Variants in NEK10 observed in about 807,000 individuals in gnomAD.
The protein encoded by NEK10 is NIMA related kinase 10.
Under a neutral mutation model 159.8 loss-of-function variants are expected in NEK10, and 122 were observed. The observed-to-expected ratio is 0.76, with a 90% confidence interval of 0.66 to 0.89. The LOEUF (loss-of-function observed/expected upper bound fraction) is 0.89. NEK10 is among the 40% of genes least tolerant of loss of function. The pLI, the probability that NEK10 is intolerant of heterozygous loss-of-function variation, is 0.00. For synonymous variants in NEK10, 466 were observed against 457.1 expected, an observed-to-expected ratio of 1.02 and a Z score of -0.25; for missense variants, 1,342 against 1,323.1, an observed-to-expected ratio of 1.01 and a Z score of -0.22.
At chr3:27,293,792 T>C (rs1378900778) in intron 15 of NEK10, 140 bp from the exon 16 acceptor site, 11 of 552,774 alleles carry the variant, frequency 2.0e-5, no homozygotes, top group African/African-American at 3.8e-5. Flanking sequence ...AGCTTCTAAC[T>C]GAAAACAAAA....
At chr3:27,316,232 A>G (rs1575714249) in intron 6 of NEK10, among the ~76,000 whole-genome samples, 1 of 152,182 alleles carries the variant, frequency 6.6e-6, no homozygotes, top group African/African-American at 2.4e-5. Context: ...GGAGATGGGG[A>G]GCGTATCAAC....
chr3:27,226,144 G>A (rs1952615914), intron 23 of NEK10, among the ~76,000 whole-genome samples: 1 of 151,346 alleles, frequency 6.6e-6, no homozygotes, highest in Non-Finnish European at 1.5e-5. Flanking sequence ...TCATTCTCCT[G>A]CCTCAGCCTC....
chr3:27,269,814 T>C (rs542770999), intron 22 of NEK10, among the ~76,000 whole-genome samples: 5 of 152,326 alleles, frequency 3.3e-5, no homozygotes, highest in African/African-American at 1.2e-4. Flanking sequence ...TAAAAATCAT[T>C]TTAATACATG....
chr3:27,204,275 C>CTTTTTTTTTTTTTTTTTTTTTTTTTT (rs1203026508), intron 23 of NEK10, among the ~76,000 whole-genome samples: 11 of 63,984 alleles, frequency 1.7e-4, no homozygotes, highest in Middle Eastern at 0.014. Flanking sequence ...GATAAATTTT[C>CTTTTTTTTTTTTTTTTTTTTTTTTTT]TTTTTTTTTT....
intron 30 of NEK10, among the ~76,000 whole-genome samples, chr3:27,145,758 G>A (rs578062718): frequency 2.6e-5 from 4 of 151,436 alleles, no homozygotes; most frequent in South Asian, 2.1e-4. Context: ...CAGATGAGGA[G>A]ACTGAGTGCT....
chr3:27,134,268 A>G (rs974721928), intron 31 of NEK10, among the ~76,000 whole-genome samples: 1 of 152,192 alleles, frequency 6.6e-6, no homozygotes, highest in Admixed American at 6.5e-5. Flanking sequence ...GGAAGATGGG[A>G]TGGAGTAATG....
At chr3:27,195,478 C>T (rs189928498) in intron 25 of NEK10, among the ~76,000 whole-genome samples, 1 of 152,060 alleles carries the variant, frequency 6.6e-6, no homozygotes, top group Admixed American at 6.5e-5. Context: ...GAATGTAAAC[C>T]CAGACAATGA....
chr3:27,225,760 A>G (rs549364383), intron 23 of NEK10, among the ~76,000 whole-genome samples: 5 of 152,286 alleles, frequency 3.3e-5, no homozygotes, highest in Admixed American at 3.3e-4. Context: ...TAGCCAATAC[A>G]TACTTTCTCC....
intron 5 of NEK10, among the ~76,000 whole-genome samples, chr3:27,339,317 T>C (rs2047034415): frequency 6.6e-6 from 1 of 152,076 alleles, no homozygotes; most frequent in Non-Finnish European, 1.5e-5. Context: ...AGGTCTAATA[T>C]CCAGAATCTA....
rs550439179 is a variant in NEK10 at position 27,237,373 on chromosome 3, A to T, written c.2090+18923T>A. Among the ~76,000 whole-genome samples, 11 of 152,322 alleles carry T rather than the reference A, an allele frequency of 7.2e-5. No homozygotes were observed. The East Asian group carries it at 1.4e-3, about 19-fold the overall frequency. ...AGGCATAAGAAATTATAAGAGTATTATTTGGGAACTGATAAATGTCCATGA... is the reference window on the plus strand; with the variant it reads ...AGGCATAAGAAATTATAAGAGTATTTTTTGGGAACTGATAAATGTCCATGA... On this transcript the variant is annotated intron_variant, in intron 23 of 35. Coordinates refer to ENST00000691995, the MANE Select transcript of NEK10 (RefSeq NM_001394966.1).
At chr3:27,176,991 A>T (rs138201466) in intron 26 of NEK10, among the ~76,000 whole-genome samples, 2 of 152,304 alleles carry the variant, frequency 1.3e-5, no homozygotes, top group African/African-American at 4.8e-5. Context: ...TCTTTGAACA[A>T]ATGAAGAGTC....
chr3:27,225,107 C>T (rs940733161), intron 23 of NEK10, among the ~76,000 whole-genome samples: 4 of 152,178 alleles, frequency 2.6e-5, no homozygotes, highest in African/African-American at 7.2e-5. Context: ...GAGAGTCAGT[C>T]GGAGTTCCAA....
At chr3:27,363,733 G>A (rs1437193421) in intron 1 of NEK10, 1 of 152,160 alleles carries the variant, frequency 6.6e-6, no homozygotes, top group Non-Finnish European at 1.5e-5. Flanking sequence ...AAGGAAAGAT[G>A]AGTATTCACA....
chr3:27,175,794 C>T (rs1414871831), intron 26 of NEK10, among the ~76,000 whole-genome samples: 1 of 152,146 alleles, frequency 6.6e-6, no homozygotes, highest in Non-Finnish European at 1.5e-5. Flanking sequence ...GAAAGGATAA[C>T]AGGCAGAGAG....
intron 1 of NEK10, among the ~76,000 whole-genome samples, chr3:27,368,472 T>C (rs2049268110): frequency 6.6e-6 from 1 of 151,888 alleles, no homozygotes; most frequent in African/African-American, 2.4e-5. Flanking sequence ...AAAATAGAGA[T>C]GGTAATGTGG....
intron 23 of NEK10, among the ~76,000 whole-genome samples, chr3:27,247,488 A>C (rs145043722): frequency 1.3e-5 from 2 of 152,286 alleles, no homozygotes; most frequent in African/African-American, 4.8e-5. Flanking sequence ...AGGAATAATC[A>C]TTTTAATGTA....
chr3:27,158,188 A>C (rs930482201), intron 30 of NEK10, among the ~76,000 whole-genome samples: 12 of 152,162 alleles, frequency 7.9e-5, no homozygotes, highest in African/African-American at 2.7e-4. Flanking sequence ...CTGGTTGGAA[A>C]ACATAGTTAA....
At chr3:27,280,251 A>G (rs2149438810) in intron 22 of NEK10, among the ~76,000 whole-genome samples, 1 of 152,186 alleles carries the variant, frequency 6.6e-6, no homozygotes, top group South Asian at 2.1e-4. Flanking sequence ...ATGGTGTCAG[A>G]CTCAGCAGAG....
At position 27,284,775 on chromosome 3, in the gene NEK10, G is replaced by A. The variant is rs146782585; in HGVS notation, c.1911+65C>T. ...ATATAGCCAAAGATGACTACTGCAC[G>A]TCTTTAAGAAGCCAGCTCAGAACAT... On this transcript the variant is annotated intron_variant, in intron 21 of 35. Transcript: ENST00000691995. The A allele has an allele frequency of 1.3e-4, 195 of 1,523,642 alleles. No individual in the cohort carries two copies. In the East Asian group the frequency reaches 2.9e-3, roughly 22 times the overall value. 94.4% of individuals were successfully genotyped at this position (1,523,642 alleles called of 1,614,324 possible).
Sources: allele counts gnomAD v4.1 joint callset (sites outside exome capture counted in the v4.1 genomes callset), GRCh38; gene constraint gnomAD v4.1.1; transcripts MANE v1.5; gene names NCBI Gene and HGNC (gene_info 2026-07-23, HGNC 2026-07-21).